The following LRRFIP2 variants were observed in gnomAD, a reference collection of about 807,000 sequenced individuals.
The protein encoded by LRRFIP2 is leucine-rich repeat flightless-interacting protein 2.
A neutral mutation model predicts 125.9 loss-of-function variants in LRRFIP2; 109 were observed. The observed-to-expected ratio is 0.87, with a 90% CI of 0.74 to 1.01. The LOEUF (loss-of-function observed/expected upper bound fraction) is 1.01. LRRFIP2 is among the 50% of genes least tolerant of loss of function. LRRFIP2 has a pLI of 0.00. For missense variants in LRRFIP2, 850 were observed against 862.3 expected, an observed-to-expected ratio of 0.99 and a Z score of 0.18; for synonymous variants, 291 against 293.1, an observed-to-expected ratio of 0.99 and a Z score of 0.07.
At chr3:37,077,103 T>G (rs2092153992) in intron 19 of LRRFIP2, among the ~76,000 whole-genome samples, 1 of 152,164 alleles carries the variant, frequency 6.6e-6, no homozygotes, top group Non-Finnish European at 1.5e-5. Context: ...TTGGTGAGAA[T>G]GCAAATGGTA....
At position 37,109,719 on chromosome 3, in the gene LRRFIP2, A is replaced by C. The variant is rs1341023480; in HGVS notation, c.514-16T>G. The C allele has an allele frequency of 1.2e-6, 2 of 1,612,678 alleles. No individual in the cohort carries two copies. The highest frequency in any genetic ancestry group is 1.3e-5 in the African/African-American group (1 of 74,888). ...AAGAAGACTGCTAAGAGACAAAAAC[A>C]AAATAAATAAGCAAAAACAAAAACA... On this transcript the variant is annotated splice_polypyrimidine_tract_variant and intron_variant, in intron 9 of 27. Transcript: ENST00000336686.
intron 2 of LRRFIP2, among the ~76,000 whole-genome samples, chr3:37,138,134 G>T (rs1328094228): frequency 6.6e-6 from 1 of 152,200 alleles, no homozygotes; most frequent in Non-Finnish European, 1.5e-5. Context: ...AACAAGTGAG[G>T]TAAAAATGTC....
At chr3:37,165,430 G>A (rs1034213897) in intron 1 of LRRFIP2, among the ~76,000 whole-genome samples, 1 of 119,622 alleles carries the variant, frequency 8.4e-6, no homozygotes, top group African/African-American at 3.3e-5. Context: ...GTGCCAAAAA[G>A]GTTGGGGACC....
chr3:37,159,937 T>A (rs1328328002), intron 1 of LRRFIP2, among the ~76,000 whole-genome samples: 1 of 136,530 alleles, frequency 7.3e-6, no homozygotes, highest in Non-Finnish European at 1.5e-5. Context: ...CCCAGCTACT[T>A]GCAGGGCTGA....
intron 7 of LRRFIP2, 57 bp from the exon 8 acceptor site, chr3:37,113,037 A>C: frequency 1.0e-6 from 1 of 964,076 alleles, no homozygotes; most frequent in South Asian, 1.4e-5. Context: ...TTATGAAAAT[A>C]ATAAAATTCA....
rs2085887673 is a variant in LRRFIP2, at chr3:37,052,806, T to C, written c.*1045A>G. On this transcript the variant is annotated 3_prime_UTR_variant, in exon 28 of 28. Transcript: ENST00000336686. ...GGGTACTAAGAGCAAAAGAGAATCA[T>C]AAATTCTGCAAAGTAGTTGCACTCC... is the stretch of plus-strand genomic sequence containing the variant. 1 of 152,194 alleles carries C rather than the reference T, an allele frequency of 6.6e-6. No homozygotes were observed. The highest frequency in any genetic ancestry group is 1.5e-5 in the Non-Finnish European group (1 of 68,030). 9.4% of individuals were successfully genotyped at this position (152,194 alleles called of 1,614,324 possible).
In LRRFIP2 at chr3:37,063,779, C is replaced by T. The variant is rs762000660; in HGVS notation, c.1712G>A (p.Arg571Gln). The stretch of plus-strand genomic sequence containing the variant: ...TTCTTCCTTCTCTCCAGCAAGTTTT[C>T]GTAGCCTTACATCTAAAACAAATGA... ...AGEGPLDVRL[R>Q]KLAGEKEELL... The change falls in exon 24 of 28, where the codon CGA becomes CAA. Residue 571 changes from arginine to glutamine, a missense_variant. Transcript: ENST00000336686. The T allele has an allele frequency of 1.4e-5, 23 of 1,610,774 alleles. No homozygotes were observed. The highest frequency in any genetic ancestry group is 1.6e-4 in the Middle Eastern group (1 of 6,074).
intron 2 of LRRFIP2, among the ~76,000 whole-genome samples, chr3:37,136,319 G>C (rs2149795830): frequency 6.6e-6 from 1 of 152,266 alleles, no homozygotes. Context: ...AGTGGTATGA[G>C]GTTTCTTTTT....
At chr3:37,146,199 C>T (rs2095852302) in intron 2 of LRRFIP2, among the ~76,000 whole-genome samples, 1 of 152,200 alleles carries the variant, frequency 6.6e-6, no homozygotes, top group Admixed American at 6.5e-5. Context: ...CAAATTTCAA[C>T]TACAATTATG....
intron 19 of LRRFIP2, among the ~76,000 whole-genome samples, chr3:37,080,791 T>C (rs1305868043): frequency 2.0e-5 from 3 of 152,154 alleles, no homozygotes; most frequent in Non-Finnish European, 4.4e-5. Context: ...AGAGGACCTA[T>C]ACATGAAAAG....
intron 23 of LRRFIP2, chr3:37,065,258 AG>A: frequency 5.0e-6 from 1 of 199,350 alleles, no homozygotes; most frequent in Non-Finnish European, 1.1e-5. Flanking sequence ...TCCTGGAGAG[AG>A]GTGTCAGATT....
Position 37,091,533 on chromosome 3 carries a change from G to C in LRRFIP2, c.1041C>G (p.Ile347Met). Residue 347 changes from isoleucine to methionine, a missense_variant, in exon 18 of 28, where the codon ATC (isoleucine) becomes ATG (methionine). Ile to Met is a conservative substitution (Grantham distance 10). Transcript: ENST00000336686. ...CCTGTATCTGGTCCTTAAGGTCATA[G>C]ATATCCTGCAGGACATAGGAATGAA... The part of the protein sequence containing the change: ...PDTSLSELRD[I>M]YDLKDQIQDV... 1 of 1,607,808 alleles carries C rather than the reference G, an allele frequency of 6.2e-7. No homozygotes were observed.
intron 11 of LRRFIP2, 98 bp downstream of exon 11, chr3:37,109,429 T>G: frequency 7.7e-7 from 1 of 1,305,010 alleles, no homozygotes; most frequent in South Asian, 1.2e-5. Context: ...AAATCATGTG[T>G]CCTTAACTAT....
intron 19 of LRRFIP2, among the ~76,000 whole-genome samples, chr3:37,080,859 T>C (rs570348916): frequency 6.6e-6 from 1 of 152,352 alleles, no homozygotes; most frequent in Non-Finnish European, 1.5e-5. Context: ...GATCCCGATT[T>C]TTTTAAGTGT....
At chr3:37,149,118 G>T in intron 1 of LRRFIP2, 80 bp from the exon 2 acceptor site, 2 of 1,195,640 alleles carry the variant, frequency 1.7e-6, no homozygotes, top group Non-Finnish European at 2.3e-6. Flanking sequence ...ACTTTTAACA[G>T]AGAAATTAGT....
intron 1 of LRRFIP2, among the ~76,000 whole-genome samples, chr3:37,168,085 G>A (rs891531987): frequency 2.6e-5 from 4 of 152,188 alleles, no homozygotes; most frequent in Non-Finnish European, 5.9e-5. Context: ...AAATGGTATA[G>A]CCACTGTGGA....
At chr3:37,059,032 C>T (rs1311405863) in intron 24 of LRRFIP2, 122 bp from the exon 25 acceptor site, 4 of 1,282,886 alleles carry the variant, frequency 3.1e-6, no homozygotes, top group Admixed American at 4.2e-5. Flanking sequence ...TCATTCAAAA[C>T]CTATTTTCTT....
At chr3:37,143,803 G>C (rs532394819) in intron 2 of LRRFIP2, 2 of 159,712 alleles carry the variant, frequency 1.3e-5, no homozygotes, top group East Asian at 1.9e-4. Context: ...GTCCAGTTTC[G>C]AGCTGAAATT....
At chr3:37,134,646 C>G in intron 2 of LRRFIP2, 1 of 628,988 alleles carries the variant, frequency 1.6e-6, no homozygotes, top group Non-Finnish European at 3.1e-6. Flanking sequence ...AGCCAGATGA[C>G]AAGCACATAC....
Sources: allele counts gnomAD v4.1 joint callset (sites outside exome capture counted in the v4.1 genomes callset), GRCh38; gene constraint gnomAD v4.1.1; transcripts MANE v1.5; gene names NCBI Gene and HGNC (gene_info 2026-07-23, HGNC 2026-07-21).